The following PCDH17 variants were observed in gnomAD, a reference collection of about 807,000 sequenced individuals.
PCDH17 encodes protocadherin-17.
Under a neutral mutation model 67.7 loss-of-function variants are expected in PCDH17, and 21 were observed. That is an observed-to-expected ratio of 0.31 (90% CI 0.22 to 0.45). The LOEUF is 0.45. PCDH17 is among the 20% of genes least tolerant of loss of function. The pLI, the probability that PCDH17 is intolerant of heterozygous loss-of-function variation, is 1.00. For missense variants in PCDH17, 1,471 were observed against 1,564.8 expected, an observed-to-expected ratio of 0.94 and a Z score of 1.01; for synonymous variants, 701 against 656.7, an observed-to-expected ratio of 1.07 and a Z score of -1.03.
chr13:57,697,882 T>C (rs1474891236), intron 3 of PCDH17, among the ~76,000 whole-genome samples: 1 of 151,636 alleles, frequency 6.6e-6, no homozygotes, highest in African/African-American at 2.4e-5. Context: ...ACTTAAATTA[T>C]ATTTATTATG....
chr13:57,717,499 C>T (rs1385579626), intron 3 of PCDH17, among the ~76,000 whole-genome samples: 6 of 151,892 alleles, frequency 4.0e-5, no homozygotes, highest in Non-Finnish European at 7.4e-5. Flanking sequence ...CACTTAAAAC[C>T]ATCCCTGAAG....
intron 3 of PCDH17, among the ~76,000 whole-genome samples, chr13:57,713,072 C>T (rs1016256487): frequency 3.3e-5 from 5 of 151,520 alleles, no homozygotes. Context: ...TCTCCAGTAG[C>T]TTTTTTGCCC....
At chr13:57,652,837 T>C (rs1254970602) in intron 1 of PCDH17, among the ~76,000 whole-genome samples, 2 of 152,182 alleles carry the variant, frequency 1.3e-5, no homozygotes, top group African/African-American at 4.8e-5. Flanking sequence ...GCATTTATCA[T>C]ATTGAGGTAT....
At position 57,725,722 on chromosome 13, in the gene PCDH17, T is replaced by C. The variant is rs1233846312; in HGVS notation, c.*428T>C. The C allele has an allele frequency of 1.9e-5, 3 of 156,922 alleles. No individual in the cohort carries two copies. Among genetic ancestry groups the C allele is most frequent in the African/African-American group, 7.2e-5 (3 of 41,464 alleles). 9.7% of individuals were successfully genotyped at this position (156,922 alleles called of 1,614,324 possible). On this transcript the variant is annotated 3_prime_UTR_variant, in exon 4 of 4. Transcript: ENST00000377918. ...CCTATAAACCCCATACAAAGCAGGGTCATAATTTGTGATCTGTGGTGGATT... is the reference window on the plus strand; with the variant it reads ...CCTATAAACCCCATACAAAGCAGGGCCATAATTTGTGATCTGTGGTGGATT...
chr13:57,692,071 G>A (rs1366269824), intron 3 of PCDH17, among the ~76,000 whole-genome samples: 1 of 151,082 alleles, frequency 6.6e-6, no homozygotes, highest in Middle Eastern at 3.2e-3. Flanking sequence ...ATTTCAACTC[G>A]ATAATGTTTC....
intron 3 of PCDH17, among the ~76,000 whole-genome samples, chr13:57,710,911 A>T (rs1955770185): frequency 6.6e-6 from 1 of 151,972 alleles, no homozygotes; most frequent in Admixed American, 6.6e-5. Context: ...TGGGAAAGTT[A>T]TACCTGTCCT....
intron 1 of PCDH17, among the ~76,000 whole-genome samples, chr13:57,643,066 A>G (rs1954923299): frequency 6.6e-6 from 1 of 151,594 alleles, no homozygotes; most frequent in Admixed American, 6.6e-5. Context: ...GTATACTGAG[A>G]TTATTTTAAC....
At chr13:57,687,188 A>G (rs1955516557) in intron 3 of PCDH17, among the ~76,000 whole-genome samples, 3 of 152,090 alleles carry the variant, frequency 2.0e-5, no homozygotes, top group African/African-American at 7.2e-5. Context: ...ACTTTTCATT[A>G]TTAAAAACAA....
chr13:57,632,521 T>C lies in PCDH17; in HGVS notation c.-26T>C. The stretch of plus-strand genomic sequence containing the variant: ...TCTCTGGCTCCTCCAGTCCGATTGC[T>C]CCTGCCCCCACCTTACAGGTCTGGG... On this transcript the variant is annotated 5_prime_UTR_variant, in exon 1 of 4. Coordinates refer to ENST00000377918, the MANE Select transcript of PCDH17 (RefSeq NM_001040429.3). The C allele has an allele frequency of 1.2e-6, 2 of 1,603,472 alleles. No homozygotes were observed. Among genetic ancestry groups the C allele is most frequent in the Non-Finnish European group, 1.7e-6 (2 of 1,174,690 alleles).
intron 3 of PCDH17, among the ~76,000 whole-genome samples, chr13:57,697,665 T>G (rs1397028642): frequency 2.0e-5 from 3 of 151,498 alleles, no homozygotes; most frequent in Non-Finnish European, 4.4e-5. Context: ...AAAAGTTAAA[T>G]AATCAAAAAT....
At chr13:57,717,948 C>G (rs1449187225) in intron 3 of PCDH17, among the ~76,000 whole-genome samples, 1 of 151,628 alleles carries the variant, frequency 6.6e-6, no homozygotes, top group East Asian at 1.9e-4. Flanking sequence ...CTAATTTTTC[C>G]TCATTATATC....
chr13:57,684,562 C>T (rs1287427948), intron 3 of PCDH17, among the ~76,000 whole-genome samples: 1 of 151,826 alleles, frequency 6.6e-6, no homozygotes, highest in Non-Finnish European at 1.5e-5. Context: ...CTTGTTAGCA[C>T]ACAAGTATTC....
At chr13:57,673,936 G>A (rs1465906313) in intron 3 of PCDH17, among the ~76,000 whole-genome samples, 1 of 151,866 alleles carries the variant, frequency 6.6e-6, no homozygotes, top group East Asian at 1.9e-4. Context: ...TGCAGCTTCA[G>A]TTTATTTTTG....
At chr13:57,662,524 T>C (rs1955196391) in intron 1 of PCDH17, among the ~76,000 whole-genome samples, 2 of 152,200 alleles carry the variant, frequency 1.3e-5, no homozygotes, top group Non-Finnish European at 2.9e-5. Flanking sequence ...TTTACTCCTC[T>C]CAGAGGAACT....
intron 3 of PCDH17, among the ~76,000 whole-genome samples, chr13:57,695,797 T>A (rs2138068108): frequency 6.6e-6 from 1 of 151,492 alleles, no homozygotes; most frequent in South Asian, 2.1e-4. Flanking sequence ...TTAAAACCAT[T>A]GTAATTTATA....
In PCDH17 at chr13:57,725,548, AG is replaced by A. The variant is rs374477632; in HGVS notation, c.*255del. 7 of 404,388 alleles carry A rather than the reference AG, an allele frequency of 1.7e-5. No individual in the cohort carries two copies. The highest frequency in any genetic ancestry group is 5.1e-5 in the South Asian group (1 of 19,506). 25.0% of individuals were successfully genotyped at this position (404,388 alleles called of 1,614,324 possible). ...TGATGCTTAAAGAGAAAAGAAAAAA[AG>A]AGAGAAGAAAAAGGAGAGATGAAAA... On this transcript the variant is annotated 3_prime_UTR_variant, in exon 4 of 4. Transcript: ENST00000377918.
intron 1 of PCDH17, among the ~76,000 whole-genome samples, chr13:57,657,286 T>G (rs1466963535): frequency 6.6e-6 from 1 of 152,210 alleles, no homozygotes; most frequent in African/African-American, 2.4e-5. Context: ...AAAGGAATGC[T>G]GGTTTTTGCT....
chr13:57,704,452 T>G (rs1372334266), intron 3 of PCDH17, among the ~76,000 whole-genome samples: 1 of 151,940 alleles, frequency 6.6e-6, no homozygotes, highest in Admixed American at 6.6e-5. Flanking sequence ...AATCTAATTT[T>G]GCATTATATT....
At chr13:57,680,733 G>A (rs1030994099) in intron 3 of PCDH17, among the ~76,000 whole-genome samples, 32 of 151,770 alleles carry the variant, frequency 2.1e-4, no homozygotes, top group South Asian at 1.2e-3. Context: ...ATTATATCAT[G>A]TCATTTAATT....
Sources: gnomAD v4.1 joint callset for allele counts (sites outside exome capture counted in the v4.1 genomes callset) on GRCh38, gnomAD v4.1.1 for gene constraint, MANE v1.5 for transcripts, NCBI Gene and HGNC (gene_info 2026-07-23, HGNC 2026-07-21) for gene names.